Variants in ANO3 observed in about 807,000 individuals in gnomAD.
ANO3 encodes anoctamin-3.
In ANO3, 99 loss-of-function variants were observed where a neutral mutation model predicts 144.8. That is an observed-to-expected ratio of 0.68 (90% CI 0.58 to 0.81). The LOEUF (loss-of-function observed/expected upper bound fraction) is 0.81. Ranked by LOEUF, ANO3 falls within the 30% of genes least tolerant of loss-of-function variation. ANO3 has a pLI of 0.00. For missense variants in ANO3, 905 were observed against 1,202.2 expected (o/e 0.75, Z 3.66); for synonymous variants, 414 against 392.6 (o/e 1.05, Z -0.64).
chr11:26,381,486 C>G (rs1856588809), intron 1 of ANO3, among the ~76,000 whole-genome samples: 1 of 152,110 alleles, frequency 6.6e-6, no homozygotes, highest in Non-Finnish European at 1.5e-5. Flanking sequence ...ACATTATATC[C>G]CATCCCATTA....
intron 6 of ANO3, among the ~76,000 whole-genome samples, chr11:26,524,777 C>A (rs1244520579): frequency 6.6e-6 from 1 of 152,190 alleles, no homozygotes; most frequent in Non-Finnish European, 1.5e-5. Context: ...GGCCCGTTAT[C>A]ATCTGTGCCT....
At chr11:26,379,466 G>C (rs1007719353) in intron 1 of ANO3, among the ~76,000 whole-genome samples, 2 of 152,040 alleles carry the variant, frequency 1.3e-5, no homozygotes, top group Admixed American at 6.6e-5. Context: ...GATGACTGTG[G>C]CTTGGTGTAA....
At chr11:26,503,488 C>A (rs1356881146) in intron 4 of ANO3, among the ~76,000 whole-genome samples, 5 of 152,056 alleles carry the variant, frequency 3.3e-5, no homozygotes, top group Admixed American at 3.3e-4. Flanking sequence ...CCACTATTAA[C>A]CTTAAAATGA....
At chr11:26,530,985 G>T (rs1849356943) in intron 7 of ANO3, among the ~76,000 whole-genome samples, 1 of 152,152 alleles carries the variant, frequency 6.6e-6, no homozygotes, top group African/African-American at 2.4e-5. Flanking sequence ...GGATAACATA[G>T]TTGTCCTGGA....
In ANO3 at chr11:26,598,373, T is replaced by A; in HGVS notation, c.1456T>A (p.Phe486Ile). ...ATTTTTATATTTTATAGCCACAGTC[T>A]TCCTGGAGTTTTGGAAAAGGAGAAG... is the stretch of plus-strand genomic sequence containing the variant. ...AIFMAIWATVFLEFWKRRRSI... is the reference protein window; with the variant it reads ...AIFMAIWATVILEFWKRRRSI... The change falls in exon 15 of 27, where the codon TTC (phenylalanine) becomes ATC (isoleucine). Residue 486 changes from phenylalanine (F) to isoleucine (I), a missense_variant. Physicochemically the swap from Phe to Ile is conservative, Grantham distance 21 (BLOSUM62 0). Transcript: ENST00000256737. 1 of 1,541,200 alleles carries A rather than the reference T, an allele frequency of 6.5e-7. No homozygotes were observed. Among genetic ancestry groups the A allele is most frequent in the Non-Finnish European group, 8.7e-7 (1 of 1,144,234 alleles).
At chr11:26,620,900 C>G (rs567327469) in intron 17 of ANO3, among the ~76,000 whole-genome samples, 5 of 152,176 alleles carry the variant, frequency 3.3e-5, no homozygotes, top group Non-Finnish European at 7.3e-5. Context: ...AATGACTCAT[C>G]TCATAAGAGG....
At chr11:26,240,164 T>G (rs1160712388) in intron 1 of ANO3, among the ~76,000 whole-genome samples, 1 of 152,220 alleles carries the variant, frequency 6.6e-6, no homozygotes, top group Non-Finnish European at 1.5e-5. Context: ...AAGTACTAAG[T>G]GACTTTATTC....
chr11:26,321,592 T>C (rs1472313599), intron 1 of ANO3, among the ~76,000 whole-genome samples: 2 of 152,056 alleles, frequency 1.3e-5, no homozygotes, highest in African/African-American at 4.8e-5. Flanking sequence ...TTATTACAAA[T>C]TCTCAAATGT....
intron 14 of ANO3, among the ~76,000 whole-genome samples, chr11:26,566,703 A>G (rs1225629602): frequency 6.6e-6 from 1 of 151,908 alleles, no homozygotes; most frequent in East Asian, 1.9e-4. Flanking sequence ...TCTCCAATCC[A>G]GGCACATCAT....
chr11:26,584,771 C>T (rs1012808071), intron 14 of ANO3, among the ~76,000 whole-genome samples: 3 of 152,184 alleles, frequency 2.0e-5, no homozygotes, highest in African/African-American at 2.4e-5. Flanking sequence ...GAACAAACCA[C>T]CTGCAGCATC....
intron 1 of ANO3, among the ~76,000 whole-genome samples, chr11:26,251,838 C>G (rs7128904): frequency 6.6e-6 from 1 of 152,156 alleles, no homozygotes; most frequent in South Asian, 2.1e-4. Flanking sequence ...AACTCCCTCA[C>G]TATCACGCAG....
chr11:26,518,518 T>G (rs752196796), intron 6 of ANO3, among the ~76,000 whole-genome samples: 37 of 152,094 alleles, frequency 2.4e-4, no homozygotes, highest in Non-Finnish European at 4.0e-4. Context: ...ATTCTGAAAT[T>G]CAATTTGAAA....
At chr11:26,539,745 T>C (rs1470236907) in intron 10 of ANO3, among the ~76,000 whole-genome samples, 1 of 152,144 alleles carries the variant, frequency 6.6e-6, no homozygotes, top group Non-Finnish European at 1.5e-5. Context: ...CCACAATATA[T>C]CAAATGCGTA....
At chr11:26,567,279 A>C (rs1850628096) in intron 14 of ANO3, 2 of 481,170 alleles carry the variant, frequency 4.2e-6, no homozygotes, top group East Asian at 6.8e-5. Flanking sequence ...AAATCTGAGT[A>C]CTGATTTCAT....
chr11:26,312,057 T>C (rs959308050), intron 1 of ANO3, among the ~76,000 whole-genome samples: 14 of 151,966 alleles, frequency 9.2e-5, no homozygotes, highest in Non-Finnish European at 1.6e-4. Context: ...TGTCCAAGTA[T>C]TCTCACAATT....
chr11:26,571,958 C>T (rs2134291452), intron 14 of ANO3: 1 of 541,480 alleles, frequency 1.8e-6, no homozygotes, highest in East Asian at 1.5e-4. Flanking sequence ...CTGCGATTCT[C>T]TTTGGTAAAT....
Position 26,656,500 on chromosome 11 carries a change from T to C in ANO3, c.2763+19T>C, listed in dbSNP as rs1326677788. On this transcript the variant is annotated intron_variant, in intron 26 of 26. Transcript: ENST00000256737. ...GTTTGAGGTTAGTCACAAGCTGAGATGAAAATTACTATAGATAAATGCTTT... is the reference window on the plus strand; with the variant it reads ...GTTTGAGGTTAGTCACAAGCTGAGACGAAAATTACTATAGATAAATGCTTT... 2 of 1,405,760 alleles carry C rather than the reference T, an allele frequency of 1.4e-6. No individual in the cohort carries two copies. Among genetic ancestry groups the C allele is most frequent in the Non-Finnish European group, 1.0e-6 (1 of 992,636 alleles). The allele number at this position is 1,405,760 out of a possible 1,614,324, so 87.1% of individuals were successfully genotyped here.
intron 1 of ANO3, among the ~76,000 whole-genome samples, chr11:26,256,789 G>A (rs1337758689): frequency 1.3e-5 from 2 of 151,960 alleles, no homozygotes; most frequent in African/African-American, 2.4e-5. Flanking sequence ...ATTTAAAATA[G>A]GTGTGTCTTT....
chr11:26,535,826 G>A (rs898099410), intron 9 of ANO3, among the ~76,000 whole-genome samples: 21 of 151,126 alleles, frequency 1.4e-4, no homozygotes, highest in East Asian at 1.4e-3. Context: ...CTGGTGATCT[G>A]CCCGCCTCAG....
Sources: allele counts gnomAD v4.1 joint callset (sites outside exome capture counted in the v4.1 genomes callset), GRCh38; gene constraint gnomAD v4.1.1; transcripts MANE v1.5; gene names NCBI Gene and HGNC (gene_info 2026-07-23, HGNC 2026-07-21).